TFCP2L1: variants seen among roughly 807,000 people sequenced by gnomAD.
TFCP2L1 encodes the protein transcription factor CP2-like protein 1.
In TFCP2L1, 12 loss-of-function variants were observed where a neutral mutation model predicts 72.2. That is an observed-to-expected ratio of 0.17 (90% CI 0.11 to 0.27). The LOEUF is 0.27. Ranked by LOEUF, TFCP2L1 falls within the 10% of genes least tolerant of loss-of-function variation. The pLI is 1.00. For synonymous variants in TFCP2L1, 260 were observed against 251.0 expected (o/e 1.04, Z -0.34); for missense variants, 488 against 624.6 (o/e 0.78, Z 2.33).
At chr2:121,279,001 C>A (rs1256811000) in intron 2 of TFCP2L1, among the ~76,000 whole-genome samples, 2 of 151,058 alleles carry the variant, frequency 1.3e-5, no homozygotes, top group African/African-American at 2.4e-5. Flanking sequence ...AAGACTCTGT[C>A]TCAAAAAAAA....
chr2:121,280,451 T>C (rs1347595546), intron 2 of TFCP2L1, among the ~76,000 whole-genome samples: 1 of 152,120 alleles, frequency 6.6e-6, no homozygotes, highest in Non-Finnish European at 1.5e-5. Flanking sequence ...GACACAATCA[T>C]GGTCACAATA....
intron 6 of TFCP2L1, 92 bp from the exon 7 acceptor site, chr2:121,242,561 C>T: frequency 8.1e-7 from 1 of 1,230,806 alleles, no homozygotes; most frequent in Non-Finnish European, 1.2e-6. Flanking sequence ...CCCAGGGCCC[C>T]AGGGCGCAGG....
rs1685915530 is a variant in TFCP2L1, at chr2:121,220,864, A to C, written c.*3477T>G. ...ATTTATTATTTTCTATTCTTTCATAAGCTATAAGCTTTAACTACAACCACG... is the reference window on the plus strand; with the variant it reads ...ATTTATTATTTTCTATTCTTTCATACGCTATAAGCTTTAACTACAACCACG... On this transcript the variant is annotated 3_prime_UTR_variant, in exon 15 of 15. Coordinates refer to ENST00000263707, the MANE Select transcript of TFCP2L1 (RefSeq NM_014553.3). 1 of 152,212 alleles carries C rather than the reference A, an allele frequency of 6.6e-6. No individual in the cohort carries two copies. The highest frequency in any genetic ancestry group is 2.1e-4 in the South Asian group (1 of 4,832). 9.4% of individuals were successfully genotyped at this position (152,212 alleles called of 1,614,324 possible).
chr2:121,244,835 G>T (rs1686448748), intron 6 of TFCP2L1, among the ~76,000 whole-genome samples: 1 of 152,124 alleles, frequency 6.6e-6, no homozygotes, highest in African/African-American at 2.4e-5. Context: ...GGAGGTGGTG[G>T]CCAGAGCGAC....
At chr2:121,247,065 T>A in intron 5 of TFCP2L1, 95 bp from the exon 6 acceptor site, 1 of 1,487,576 alleles carries the variant, frequency 6.7e-7, no homozygotes, top group Non-Finnish European at 9.1e-7. Context: ...TGTCCTTCCC[T>A]GCTTGGTCAG....
At chr2:121,253,859 C>A (rs930904025) in intron 2 of TFCP2L1, among the ~76,000 whole-genome samples, 1 of 152,194 alleles carries the variant, frequency 6.6e-6, no homozygotes, top group African/African-American at 2.4e-5. Flanking sequence ...TGCAGATGGA[C>A]ATCCAGCCAC....
intron 2 of TFCP2L1, among the ~76,000 whole-genome samples, chr2:121,260,749 C>T (rs902633791): frequency 4.6e-5 from 7 of 152,220 alleles, no homozygotes; most frequent in African/African-American, 7.2e-5. Flanking sequence ...CTGGGTCGTG[C>T]CCACCAGGTG....
chr2:121,249,449 G>T, intron 3 of TFCP2L1, 122 bp downstream of exon 3: 1 of 873,242 alleles, frequency 1.1e-6, no homozygotes, highest in South Asian at 1.6e-5. Flanking sequence ...GTTGAGGGCT[G>T]AGCTGAACCC....
In TFCP2L1 at chr2:121,224,136, A is replaced by G; in HGVS notation, c.*205T>C. On this transcript the variant is annotated 3_prime_UTR_variant, in exon 15 of 15. Transcript: ENST00000263707. ...AAAATCTGGAGGCCAAGAGGAAGGG[A>G]GAAAGGAGCCACTGGCTTTCTGTAC... 1 of 600,972 alleles carries G rather than the reference A, an allele frequency of 1.7e-6. No individual in the cohort carries two copies. The highest frequency in any genetic ancestry group is 3.0e-6 in the Non-Finnish European group (1 of 338,508). 37.2% of individuals were successfully genotyped at this position (600,972 alleles called of 1,614,324 possible). A position where few individuals can be genotyped will look rare whatever the true frequency, so the allele number is the denominator to read the frequency against.
At position 121,222,140 on chromosome 2, in the gene TFCP2L1, CAG is replaced by C. The variant is rs775486075; in HGVS notation, c.*2199_*2200del. 9 of 152,122 alleles carry C rather than the reference CAG, an allele frequency of 5.9e-5. No homozygotes were observed. The highest frequency in any genetic ancestry group is 1.5e-5 in the Non-Finnish European group (1 of 68,024). 9.4% of individuals were successfully genotyped at this position (152,122 alleles called of 1,614,324 possible). A position where few individuals can be genotyped will look rare whatever the true frequency, so the allele number is the denominator to read the frequency against. ...CATTAGGATGCTAAAAGCAAAAAGA[CAG>C]ATAATAGCAAGTGTTGATGAGGATG... On this transcript the variant is annotated 3_prime_UTR_variant, in exon 15 of 15. Transcript: ENST00000263707.
At position 121,223,904 on chromosome 2, in the gene TFCP2L1, G is replaced by A. The variant is rs1196887395; in HGVS notation, c.*437C>T. The A allele has an allele frequency of 1.7e-5, 3 of 179,126 alleles. No homozygotes were observed. The highest frequency in any genetic ancestry group is 3.6e-5 in the Non-Finnish European group (3 of 83,706). The allele number at this position is 179,126 out of a possible 1,614,324, so 11.1% of individuals were successfully genotyped here. A position where few individuals can be genotyped will look rare whatever the true frequency, so the allele number is the denominator to read the frequency against. On this transcript the variant is annotated 3_prime_UTR_variant, in exon 15 of 15. Coordinates refer to ENST00000263707, the MANE Select transcript of TFCP2L1 (RefSeq NM_014553.3). ...GTGCTGGCCATGCAGCCAACTCCCAGAGGAGGAGGTAAAGGTACCAGCTTC... is the reference window on the plus strand; with the variant it reads ...GTGCTGGCCATGCAGCCAACTCCCAAAGGAGGAGGTAAAGGTACCAGCTTC...
intron 2 of TFCP2L1, among the ~76,000 whole-genome samples, chr2:121,272,566 T>C (rs1416922918): frequency 6.6e-6 from 1 of 152,218 alleles, no homozygotes; most frequent in Non-Finnish European, 1.5e-5. Flanking sequence ...ATGCAGTTCT[T>C]AGCTTTAGAG....
Position 121,239,571 on chromosome 2 carries a change from C to T in TFCP2L1, c.847G>A (p.Gly283Ser), listed in dbSNP as rs1287952343. 1.2e-6 allele frequency: 2 copies of T among 1,614,050 alleles called. No homozygotes were observed. Among genetic ancestry groups the T allele is most frequent in the African/African-American group, 1.3e-5 (1 of 74,912 alleles). The change falls in exon 8 of 15, where the codon GGC (glycine) becomes AGC (serine). Residue 283 changes from glycine to serine, a missense_variant. This residue lies in a region of TFCP2L1 where 286 missense variants were observed against 329.0 expected (regional missense o/e 0.87). Coordinates refer to ENST00000263707, the MANE Select transcript of TFCP2L1 (RefSeq NM_014553.3). ...GGTGGGACGTACCCTTCGCCGAGGC[C>T]AAAGCTGTTTGGAGAACCATTGTAG... is the stretch of plus-strand genomic sequence containing the variant. ...PSYNGSPNSF[G>S]LGEGNASPTH...
chr2:121,243,204 G>A (rs3768910), intron 6 of TFCP2L1, among the ~76,000 whole-genome samples: 5,851 of 152,284 alleles, frequency 0.038, 203 homozygotes, highest in East Asian at 0.13. Context: ...TGCCTACTTG[G>A]CGAAGTCAGA....
rs1687340682 is a variant in TFCP2L1, at chr2:121,285,070, G to T, written c.40C>A (p.His14Asn). Reference sequence around the variant, plus strand: ...TACCGCAGGTAGCTGCCGGAGTTGTGCTGGTTGTAGTGCTCGGGCTGCGTG... The same window carrying T: ...TACCGCAGGTAGCTGCCGGAGTTGTTCTGGTTGTAGTGCTCGGGCTGCGTG... ...WHTQPEHYNQ[H>N]NSGSYLRDVL... Residue 14 changes from histidine (H) to asparagine (N), a missense_variant, in exon 1 of 15, where the codon CAC becomes AAC. His to Asn is a moderately conservative substitution (Grantham distance 68). This residue lies in a region of TFCP2L1 where 73 missense variants were observed against 59.7 expected (regional missense o/e 1.22). Coordinates refer to ENST00000263707, the MANE Select transcript of TFCP2L1 (RefSeq NM_014553.3). The T allele has an allele frequency of 1.3e-6, 2 of 1,524,014 alleles. No individual in the cohort carries two copies. The highest frequency in any genetic ancestry group is 2.8e-5 in the East Asian group (1 of 36,032). 94.4% of individuals were successfully genotyped at this position (1,524,014 alleles called of 1,614,324 possible).
chr2:121,248,405 A>G, intron 4 of TFCP2L1, 135 bp from the exon 5 acceptor site: 1 of 661,770 alleles, frequency 1.5e-6, no homozygotes, highest in Non-Finnish European at 2.5e-6. Flanking sequence ...GTTTTGCATA[A>G]CTTACTGGAC....
In TFCP2L1 at chr2:121,222,318, T is replaced by G. The variant is rs1573350432; in HGVS notation, c.*2023A>C. ...CTCCTATGTATATTGCTAAAAGAAA[T>G]GAAAACATATGTCCACACAAAATCT... is the stretch of plus-strand genomic sequence containing the variant. On this transcript the variant is annotated 3_prime_UTR_variant, in exon 15 of 15. Coordinates refer to ENST00000263707, the MANE Select transcript of TFCP2L1 (RefSeq NM_014553.3). 1 of 152,124 alleles carries G rather than the reference T, an allele frequency of 6.6e-6. No homozygotes were observed. The highest frequency in any genetic ancestry group is 6.6e-5 in the Admixed American group (1 of 15,264). The allele number at this position is 152,124 out of a possible 1,614,324, so 9.4% of individuals were successfully genotyped here. A position where few individuals can be genotyped will look rare whatever the true frequency, so the allele number is the denominator to read the frequency against.
chr2:121,263,457 G>A (rs1451900151), intron 2 of TFCP2L1, among the ~76,000 whole-genome samples: 1 of 97,306 alleles, frequency 1.0e-5, no homozygotes, highest in Admixed American at 1.3e-4. Flanking sequence ...GATATCAACT[G>A]TCTGTTTTTG....
At chr2:121,232,531 G>C (rs1362128520) in intron 12 of TFCP2L1, among the ~76,000 whole-genome samples, 1 of 152,188 alleles carries the variant, frequency 6.6e-6, no homozygotes, top group Non-Finnish European at 1.5e-5. Flanking sequence ...GTGACACCCA[G>C]ATGGGCTGAA....
Sources: allele counts gnomAD v4.1 joint callset (sites outside exome capture counted in the v4.1 genomes callset), GRCh38; gene constraint gnomAD v4.1.1; regional missense constraint gnomAD v4.1.1; transcripts MANE v1.5; gene names NCBI Gene and HGNC (gene_info 2026-07-23, HGNC 2026-07-21).